Variants in RBFOX1 observed in about 807,000 individuals in gnomAD.
RBFOX1 encodes the protein RNA binding protein fox-1 homolog 1.
In RBFOX1, 8 loss-of-function variants were observed where a neutral mutation model predicts 57.7. That is an observed-to-expected ratio of 0.14 (90% CI 0.08 to 0.25). The LOEUF is 0.25. Among genes scored for constraint, RBFOX1 ranks in the 10% least tolerant of loss-of-function variants. RBFOX1 has a pLI of 1.00. For missense variants in RBFOX1, 611 were observed against 548.5 expected, an observed-to-expected ratio of 1.11 and a Z score of -1.14; for synonymous variants, 326 against 222.4, an observed-to-expected ratio of 1.47 and a Z score of -4.15.
chr16:7,299,737 T>A (rs1399008178), intron 4 of RBFOX1, among the ~76,000 whole-genome samples: 2 of 152,174 alleles, frequency 1.3e-5, no homozygotes, highest in African/African-American at 4.8e-5. Context: ...ACAGGCCAGC[T>A]TAATGTATAC....
chr16:5,774,282 T>C (rs1683097390), intron 3 of RBFOX1, among the ~76,000 whole-genome samples: 1 of 152,190 alleles, frequency 6.6e-6, no homozygotes, highest in African/African-American at 2.4e-5. Context: ...CCAACATTCC[T>C]TTTCTGTTTC....
intron 2 of RBFOX1, among the ~76,000 whole-genome samples, chr16:6,473,222 G>T (rs867308247): frequency 2.0e-5 from 3 of 152,102 alleles, no homozygotes; most frequent in Non-Finnish European, 1.5e-5. Flanking sequence ...TTGTTTTCTG[G>T]TGATTAGTGA....
chr16:6,308,209 A>G (rs75647568), intron 1 of RBFOX1, among the ~76,000 whole-genome samples: 2,326 of 152,156 alleles, frequency 0.015, 64 homozygotes, highest in African/African-American at 0.053. Flanking sequence ...GTATTTATCT[A>G]TTTGGATGGT....
chr16:7,349,097 C>T (rs755964217), intron 4 of RBFOX1, among the ~76,000 whole-genome samples: 18 of 152,114 alleles, frequency 1.2e-4, no homozygotes, highest in East Asian at 1.9e-4. Context: ...TTCATGACCA[C>T]GATGGAGGTG....
intron 3 of RBFOX1, among the ~76,000 whole-genome samples, chr16:6,885,860 T>G (rs923222529): frequency 5.9e-5 from 9 of 152,114 alleles, no homozygotes; most frequent in African/African-American, 2.2e-4. Context: ...TTTAGAGAAA[T>G]TCTAGAAATG....
intron 3 of RBFOX1, among the ~76,000 whole-genome samples, chr16:6,872,049 G>T (rs144739231): frequency 2.6e-5 from 4 of 151,524 alleles, no homozygotes; most frequent in African/African-American, 9.7e-5. Context: ...TATCGTTTCT[G>T]GAAAGCCTCT....
chr16:7,703,969 A>G lies in RBFOX1; in HGVS notation c.996-5087A>G, dbSNP rs183829542. 1.1e-3 allele frequency among the ~76,000 whole-genome samples: 173 copies of G among 152,338 alleles called. 1 individual carries two copies. The highest frequency in any genetic ancestry group is 3.8e-3 in the African/African-American group (159 of 41,580). ...AGATTGGTTTGTGAAATACAATCTA[A>G]GAAGCCATGTATCATAATCTCCTCT... is the stretch of plus-strand genomic sequence containing the variant. On this transcript the variant is annotated intron_variant, in intron 14 of 15. Transcript: ENST00000550418.
chr16:6,497,786 A>G (rs1317320407), intron 2 of RBFOX1, among the ~76,000 whole-genome samples: 1 of 151,896 alleles, frequency 6.6e-6, no homozygotes, highest in African/African-American at 2.4e-5. Flanking sequence ...CGAACTCCTG[A>G]CCTCAAGTGA....
chr16:7,583,362 G>A (rs774621524), intron 6 of RBFOX1, among the ~76,000 whole-genome samples: 5 of 152,104 alleles, frequency 3.3e-5, no homozygotes, highest in Non-Finnish European at 5.9e-5. Flanking sequence ...TTGTCTTCAC[G>A]TTAGGTATCA....
intron 3 of RBFOX1, among the ~76,000 whole-genome samples, chr16:5,844,429 T>A (rs891302627): frequency 6.6e-6 from 1 of 152,200 alleles, no homozygotes; most frequent in Non-Finnish European, 1.5e-5. Flanking sequence ...GGCATTACAT[T>A]ATTGATAAAT....
At chr16:5,663,772 C>T (rs912437076) in intron 3 of RBFOX1, among the ~76,000 whole-genome samples, 1 of 152,208 alleles carries the variant, frequency 6.6e-6, no homozygotes, top group Non-Finnish European at 1.5e-5. Context: ...TTCTGGGTCA[C>T]CTCTTGTCTG....
At chr16:7,051,085 T>C (rs999278820) in intron 3 of RBFOX1, among the ~76,000 whole-genome samples, 1 of 152,186 alleles carries the variant, frequency 6.6e-6, no homozygotes, top group Admixed American at 6.5e-5. Context: ...ACTTACAGTA[T>C]ATTGTCTGGT....
chr16:6,434,977 G>C (rs2094194472), intron 2 of RBFOX1, among the ~76,000 whole-genome samples: 1 of 152,176 alleles, frequency 6.6e-6, no homozygotes. Flanking sequence ...TACGTGCACA[G>C]CTGTTCCATT....
At chr16:7,295,637 A>G (rs1170336220) in intron 4 of RBFOX1, among the ~76,000 whole-genome samples, 1 of 152,078 alleles carries the variant, frequency 6.6e-6, no homozygotes, top group Non-Finnish European at 1.5e-5. Flanking sequence ...ACCAAGCAGC[A>G]AGACTCCAAA....
At chr16:6,680,522 C>T (rs1211757467) in intron 3 of RBFOX1, among the ~76,000 whole-genome samples, 1 of 152,144 alleles carries the variant, frequency 6.6e-6, no homozygotes, top group East Asian at 1.9e-4. Flanking sequence ...CTCGGCCTCC[C>T]AAAGTGCTGG....
chr16:6,663,130 G>A (rs2098711654), intron 3 of RBFOX1, among the ~76,000 whole-genome samples: 1 of 152,172 alleles, frequency 6.6e-6, no homozygotes, highest in Non-Finnish European at 1.5e-5. Context: ...CAGACTGGAG[G>A]ATGGGTCTGA....
At chr16:7,441,945 G>A (rs2098771306) in intron 4 of RBFOX1, among the ~76,000 whole-genome samples, 2 of 152,226 alleles carry the variant, frequency 1.3e-5, no homozygotes, top group South Asian at 4.1e-4. Context: ...CTTTGCATCT[G>A]CATTGGGGCT....
chr16:5,939,871 G>A (rs1336039592), intron 4 of RBFOX1, among the ~76,000 whole-genome samples: 2 of 152,202 alleles, frequency 1.3e-5, no homozygotes, highest in African/African-American at 4.8e-5. Flanking sequence ...CAGGTTGACA[G>A]TGTGGTGGGA....
intron 3 of RBFOX1, among the ~76,000 whole-genome samples, chr16:5,832,319 A>G (rs1430303430): frequency 6.6e-6 from 1 of 152,178 alleles, no homozygotes; most frequent in Non-Finnish European, 1.5e-5. Context: ...CTAATGGACT[A>G]GGGAAGGGTG....
Sources: gnomAD v4.1 joint callset for allele counts (sites outside exome capture counted in the v4.1 genomes callset) on GRCh38, gnomAD v4.1.1 for gene constraint, MANE v1.5 for transcripts, NCBI Gene and HGNC (gene_info 2026-07-23, HGNC 2026-07-21) for gene names.